The following KNL1 variants were observed in gnomAD, a reference collection of about 807,000 sequenced individuals.
The protein encoded by KNL1 is kinetochore scaffold 1.
A neutral mutation model predicts 201.3 loss-of-function variants in KNL1; 66 were observed. The observed-to-expected ratio is 0.33, with a 90% CI of 0.27 to 0.40. The LOEUF (loss-of-function observed/expected upper bound fraction) is 0.40. KNL1 is among the 10% of genes least tolerant of loss of function. The pLI is 1.00. For synonymous variants in KNL1, 895 were observed against 899.2 expected, an observed-to-expected ratio of 1.00 and a Z score of 0.08; for missense variants, 2,815 against 2,690.5, an observed-to-expected ratio of 1.05 and a Z score of -1.02.
chr15:40,652,455 C>CTTTT (rs35374662), intron 21 of KNL1, among the ~76,000 whole-genome samples: 1 of 120,064 alleles, frequency 8.3e-6, no homozygotes, highest in Non-Finnish European at 1.8e-5. Flanking sequence ...GCTGGAGATT[C>CTTTT]TTTTTTTTTT....
rs765012826 is a variant in KNL1, at chr15:40,621,824, C to T, written c.1560C>T (p.Leu520=). ...AAPTPEKEMM[L]QNLMTTSEDG... ...CAACACCCGAAAAAGAAATGATGCTCCAAAATCTTATGACCACATCAGAAG... is the reference window on the plus strand; with the variant it reads ...CAACACCCGAAAAAGAAATGATGCTTCAAAATCTTATGACCACATCAGAAG... The change falls in exon 10 of 26, where the codon CTC becomes CTT. Residue 520 remains leucine, a synonymous_variant. Coordinates refer to ENST00000399668, the MANE Select transcript of KNL1 (RefSeq NM_144508.5). 1.2e-5 allele frequency: 20 copies of T among 1,613,800 alleles called. No homozygotes were observed. Among genetic ancestry groups the T allele is most frequent in the Admixed American group, 6.7e-5 (4 of 60,000 alleles).
intron 17 of KNL1, among the ~76,000 whole-genome samples, chr15:40,647,435 C>G (rs558164227): frequency 6.6e-6 from 1 of 152,160 alleles, no homozygotes; most frequent in East Asian, 1.9e-4. Context: ...GATTGCGCCA[C>G]TGCACTCCAG....
rs550618810 is a variant in KNL1 at position 40,621,701 on chromosome 15, C to A, written c.1437C>A (p.Ser479=). ...MSSLTEKTIY[S]GEENMDITKS... is the part of the protein sequence containing the mutation. Reference sequence around the variant, plus strand: ...CTCTCACAGAGAAAACTATTTATTCCGGAGAGGAGAACATGGACATTACCA... The same window carrying A: ...CTCTCACAGAGAAAACTATTTATTCAGGAGAGGAGAACATGGACATTACCA... Residue 479 remains serine, a synonymous_variant, in exon 10 of 26, where the codon TCC becomes TCA. Transcript: ENST00000399668. The A allele has an allele frequency of 5.0e-6, 8 of 1,610,196 alleles. No individual in the cohort carries two copies.
At chr15:40,596,434 G>A (rs1478854758) in intron 1 of KNL1, among the ~76,000 whole-genome samples, 1 of 151,994 alleles carries the variant, frequency 6.6e-6, no homozygotes. Context: ...CCGCCACCAT[G>A]CGCAGCCAAT....
In KNL1 at chr15:40,657,262, ATTGT is replaced by A. The variant is rs1567023467; in HGVS notation, c.6595-90_6595-87del. ...GATCCTGAAATGATAAATGTATTCA[ATTGT>A]TTAACTTTTTTGAGTTCTTTGTAAG... On this transcript the variant is annotated intron_variant, in intron 23 of 25. Coordinates refer to ENST00000399668, the MANE Select transcript of KNL1 (RefSeq NM_144508.5). 6.9e-6 allele frequency: 7 copies of A among 1,014,946 alleles called. No homozygotes were observed. In the East Asian group the frequency reaches 1.7e-4, roughly 24 times the overall value. 62.9% of individuals were successfully genotyped at this position (1,014,946 alleles called of 1,614,324 possible).
intron 1 of KNL1, among the ~76,000 whole-genome samples, chr15:40,594,700 C>G (rs915516803): frequency 6.6e-6 from 1 of 152,180 alleles, no homozygotes; most frequent in Non-Finnish European, 1.5e-5. Context: ...CCCGCCCTGC[C>G]GTCCTCTGTC....
intron 5 of KNL1, among the ~76,000 whole-genome samples, chr15:40,609,609 T>C (rs887694627): frequency 8.5e-5 from 13 of 152,090 alleles, no homozygotes; most frequent in African/African-American, 2.4e-4. Flanking sequence ...GCCAGTGAAA[T>C]AATGTTTATA....
intron 1 of KNL1, among the ~76,000 whole-genome samples, chr15:40,601,859 C>CTTTTTTT (rs36046773): frequency 9.3e-5 from 6 of 64,620 alleles, no homozygotes; most frequent in African/African-American, 1.9e-4. Context: ...AAAAATGCAT[C>CTTTTTTT]TTTTTTTTTT....
At chr15:40,657,301 A>G in intron 23 of KNL1, 54 bp from the exon 24 acceptor site, 1 of 1,152,568 alleles carries the variant, frequency 8.7e-7, no homozygotes, top group Non-Finnish European at 1.3e-6. Context: ...GTGAGCCACT[A>G]AGCATTGAAA....
Position 40,637,040 on chromosome 15 carries a change from C to T in KNL1, c.5683-3872C>T, listed in dbSNP as rs1893074213. ...TCAGTGTTTACATTTCCCTGATCGT[C>T]TTATGCCTTTTTTTTTTCCCCAGTT... On this transcript the variant is annotated intron_variant, in intron 13 of 25. Coordinates refer to ENST00000399668, the MANE Select transcript of KNL1 (RefSeq NM_144508.5). 2.0e-5 allele frequency among the ~76,000 whole-genome samples: 3 copies of T among 150,304 alleles called. No homozygotes were observed. In the South Asian group the frequency reaches 6.3e-4, roughly 32 times the overall value.
chr15:40,628,616 C>G lies in KNL1; in HGVS notation c.5521C>G (p.Arg1841Gly), dbSNP rs768049459. ...AGAATTTGCTTTACTTCTAGCTTAC[C>G]GCAGTAGTCAAATGGAATCACAGTT... is the stretch of plus-strand genomic sequence containing the variant. ...DGTSLDFSTY[R>G]SSQMESQFLR... The change falls in exon 12 of 26, where the codon CGC becomes GGC. Residue 1841 changes from arginine to glycine, a missense_variant. Arg to Gly is a moderately radical substitution (Grantham distance 125). Coordinates refer to ENST00000399668, the MANE Select transcript of KNL1 (RefSeq NM_144508.5). The G allele has an allele frequency of 1.3e-6, 2 of 1,597,482 alleles. No homozygotes were observed. Among genetic ancestry groups the G allele is most frequent in the South Asian group, 2.3e-5 (2 of 88,204 alleles).
chr15:40,599,789 A>G (rs967178130), intron 1 of KNL1, among the ~76,000 whole-genome samples: 1 of 116,558 alleles, frequency 8.6e-6, no homozygotes, highest in African/African-American at 3.2e-5. Flanking sequence ...CCGATTATGT[A>G]TTCCTTTTTT....
chr15:40,651,421 A>G (rs1031718966), intron 19 of KNL1, 50 bp from the exon 20 acceptor site: 3 of 1,249,038 alleles, frequency 2.4e-6, no homozygotes, highest in East Asian at 2.4e-5. Flanking sequence ...TGATAGAGTG[A>G]ATTCTCTAAC....
chr15:40,623,746 A>T lies in KNL1; in HGVS notation c.3482A>T (p.Tyr1161Phe). 6.2e-7 allele frequency: 1 copy of T among 1,614,012 alleles called. No individual in the cohort carries two copies. The highest frequency in any genetic ancestry group is 8.5e-7 in the Non-Finnish European group (1 of 1,179,882). ...MDKTVLFTDNYSDLEVTDSHT... is the reference protein window; with the variant it reads ...MDKTVLFTDNFSDLEVTDSHT... ...AAAACCGTATTGTTCACAGATAATTACAGTGATCTGGAAGTCACCGATTCC... is the reference window on the plus strand; with the variant it reads ...AAAACCGTATTGTTCACAGATAATTTCAGTGATCTGGAAGTCACCGATTCC... Residue 1161 changes from tyrosine to phenylalanine, a missense_variant, in exon 10 of 26, where the codon TAC becomes TTC. By Grantham distance (22) the Tyr-to-Phe change is conservative. Transcript: ENST00000399668.
chr15:40,617,019 G>A (rs1892364525), intron 8 of KNL1, among the ~76,000 whole-genome samples: 1 of 152,138 alleles, frequency 6.6e-6, no homozygotes, highest in Non-Finnish European at 1.5e-5. Flanking sequence ...TGCGATCTTG[G>A]CTCACTGCAA....
In KNL1 at chr15:40,622,183, A is replaced by G; in HGVS notation, c.1919A>G (p.Lys640Arg). 1 of 1,614,156 alleles carries G rather than the reference A, an allele frequency of 6.2e-7. No individual in the cohort carries two copies. Among genetic ancestry groups the G allele is most frequent in the Non-Finnish European group, 8.5e-7 (1 of 1,179,984 alleles). Residue 640 changes from lysine (K) to arginine (R), a missense_variant, in exon 10 of 26, where the codon AAA becomes AGA. Coordinates refer to ENST00000399668, the MANE Select transcript of KNL1 (RefSeq NM_144508.5). ...AKNSLTDTWNKDKDWVLKILP... is the reference protein window; with the variant it reads ...AKNSLTDTWNRDKDWVLKILP... ...AACAGCTTAACCGACACCTGGAACAAAGACAAAGATTGGGTTTTGAAGATT... is the reference window on the plus strand; with the variant it reads ...AACAGCTTAACCGACACCTGGAACAGAGACAAAGATTGGGTTTTGAAGATT...
intron 13 of KNL1, among the ~76,000 whole-genome samples, chr15:40,637,557 C>T (rs543279691): frequency 8.5e-5 from 13 of 152,228 alleles, no homozygotes; most frequent in African/African-American, 2.2e-4. Flanking sequence ...TGAGTGCTGA[C>T]GTGACACCAC....
intron 13 of KNL1, among the ~76,000 whole-genome samples, chr15:40,631,790 C>T (rs903216815): frequency 6.6e-6 from 1 of 152,054 alleles, no homozygotes; most frequent in Non-Finnish European, 1.5e-5. Flanking sequence ...GAGAGGAATG[C>T]TTGAGCTCAG....
intron 1 of KNL1, among the ~76,000 whole-genome samples, chr15:40,597,246 C>T (rs1479985661): frequency 2.0e-5 from 3 of 151,904 alleles, no homozygotes; most frequent in Admixed American, 6.6e-5. Flanking sequence ...GAATCAGTAA[C>T]TTTTTTGTTT....
Sources: gnomAD v4.1 joint callset for allele counts (sites outside exome capture counted in the v4.1 genomes callset) on GRCh38, gnomAD v4.1.1 for gene constraint, MANE v1.5 for transcripts, NCBI Gene and HGNC (gene_info 2026-07-23, HGNC 2026-07-21) for gene names.